Variants in NXPE2 observed in about 807,000 individuals in gnomAD.
NXPE2 encodes the protein neurexophilin and PC-esterase domain family member 2, also known as NXPE family member 2.
In NXPE2, 34 loss-of-function variants were observed where a neutral mutation model predicts 34.4. That is an observed-to-expected ratio of 0.99 (90% CI 0.75 to 1.31). The LOEUF is 1.31. Among genes scored for constraint, NXPE2 ranks in the 40% most tolerant of loss-of-function variants. NXPE2 has a pLI of 0.00. For missense variants in NXPE2, 649 were observed against 672.5 expected, an observed-to-expected ratio of 0.97 and a Z score of 0.39; for synonymous variants, 235 against 231.3, an observed-to-expected ratio of 1.02 and a Z score of -0.15.
chr11:114,486,616 G>T, the NXPE2 span, among the ~76,000 whole-genome samples: 2 of 152,082 alleles, frequency 1.3e-5, no homozygotes, highest in African/African-American at 4.8e-5. Flanking sequence ...TCTTCTAGTA[G>T]TTTCATAGTT....
At chr11:114,718,545 AT>A in the NXPE2 span, among the ~76,000 whole-genome samples, 2 of 152,174 alleles carry the variant, frequency 1.3e-5, no homozygotes, top group Non-Finnish European at 2.9e-5. Flanking sequence ...TTGCAACTAA[AT>A]ATTTACATTC....
At chr11:114,676,675 G>A (rs933135178), upstream of NXPE2, among the ~76,000 whole-genome samples, 2 of 151,962 alleles carry the variant, frequency 1.3e-5, no homozygotes, top group African/African-American at 4.8e-5. Context: ...AATTAGTACA[G>A]CCATTTTGGA....
chr11:114,738,288 G>A, the NXPE2 span, among the ~76,000 whole-genome samples: 1 of 152,168 alleles, frequency 6.6e-6, no homozygotes, highest in Non-Finnish European at 1.5e-5. Flanking sequence ...TGTAGGACAT[G>A]GTTTAAGTAT....
At chr11:114,725,572 G>A in the NXPE2 span, among the ~76,000 whole-genome samples, 1 of 151,776 alleles carries the variant, frequency 6.6e-6, no homozygotes, top group African/African-American at 2.4e-5. Flanking sequence ...AAATGATAAT[G>A]CCTATGGGTC....
At chr11:114,475,318 A>G in the NXPE2 span, among the ~76,000 whole-genome samples, 1 of 136,280 alleles carries the variant, frequency 7.3e-6, no homozygotes, top group Non-Finnish European at 1.5e-5. Flanking sequence ...ATCTCCACTC[A>G]CTACAAGCTC....
chr11:114,613,234 C>T, the NXPE2 span, among the ~76,000 whole-genome samples: 1 of 151,662 alleles, frequency 6.6e-6, no homozygotes, highest in African/African-American at 2.4e-5. Context: ...TCGAGGGTAA[C>T]CACTGTTACC....
the NXPE2 span, among the ~76,000 whole-genome samples, chr11:114,636,675 T>C: frequency 2.0e-5 from 3 of 152,052 alleles, no homozygotes; most frequent in Non-Finnish European, 2.9e-5. Flanking sequence ...TTTGTTCTCA[T>C]TGATTTCAAA....
At chr11:114,551,260 TACTC>T in the NXPE2 span, 2 of 1,302,726 alleles carry the variant, frequency 1.5e-6, no homozygotes, top group South Asian at 2.7e-5. Context: ...AATCTCTCTG[TACTC>T]ACTCATTATT....
At chr11:114,465,729 T>C in the NXPE2 span, among the ~76,000 whole-genome samples, 5 of 152,222 alleles carry the variant, frequency 3.3e-5, no homozygotes, top group African/African-American at 9.6e-5. Flanking sequence ...CTTGGGAAGC[T>C]GAGGCAGGAG....
chr11:114,744,524 C>T, the NXPE2 span, among the ~76,000 whole-genome samples: 1 of 152,026 alleles, frequency 6.6e-6, no homozygotes. Context: ...TATGAAAATT[C>T]TTGGCTGGGC....
At chr11:114,496,771 A>G in the NXPE2 span, among the ~76,000 whole-genome samples, 456 of 152,276 alleles carry the variant, frequency 3.0e-3, 1 homozygote, top group African/African-American at 0.011. Flanking sequence ...GACCACATAT[A>G]TGATGGTGGT....
chr11:114,738,573 C>A, the NXPE2 span, among the ~76,000 whole-genome samples: 2 of 152,234 alleles, frequency 1.3e-5, no homozygotes, highest in South Asian at 4.2e-4. Flanking sequence ...TTCTGTGATC[C>A]CAGACTGTTT....
chr11:114,510,980 G>A, the NXPE2 span, among the ~76,000 whole-genome samples: 1 of 152,034 alleles, frequency 6.6e-6, no homozygotes, highest in Non-Finnish European at 1.5e-5. Flanking sequence ...ATTATAATGA[G>A]AAAATGTAGT....
the NXPE2 span, among the ~76,000 whole-genome samples, chr11:114,464,355 G>A: frequency 1.8e-4 from 27 of 152,036 alleles, no homozygotes; most frequent in Non-Finnish European, 3.5e-4. Context: ...TAAGAATTTG[G>A]CAAGTTAGTT....
chr11:114,527,120 T>C, the NXPE2 span: 1 of 152,368 alleles, frequency 6.6e-6, no homozygotes, highest in Non-Finnish European at 1.5e-5. Flanking sequence ...GCTCAGTAAA[T>C]GTTTGCTGAT....
chr11:114,618,692 A>G, the NXPE2 span, among the ~76,000 whole-genome samples: 4 of 152,040 alleles, frequency 2.6e-5, no homozygotes, highest in Non-Finnish European at 5.9e-5. Context: ...CCACTTGATA[A>G]TAAGTGCTGT....
At chr11:114,642,885 G>A in the NXPE2 span, among the ~76,000 whole-genome samples, 1 of 152,062 alleles carries the variant, frequency 6.6e-6, no homozygotes, top group Non-Finnish European at 1.5e-5. Flanking sequence ...CACCAACAGT[G>A]TAAAATAATT....
At chr11:114,704,686 A>C (rs1373277348) in intron 4 of NXPE2, among the ~76,000 whole-genome samples, 1 of 152,220 alleles carries the variant, frequency 6.6e-6, no homozygotes, top group Non-Finnish European at 1.5e-5. Flanking sequence ...GCAAGTGTTT[A>C]CTGAGGTCCT....
the NXPE2 span, among the ~76,000 whole-genome samples, chr11:114,776,335 C>T: frequency 3.9e-5 from 6 of 152,254 alleles, no homozygotes; most frequent in East Asian, 7.7e-4. Context: ...ACCTGCCAAG[C>T]CTGTTTCCAC....
Sources: allele counts gnomAD v4.1 joint callset (sites outside exome capture counted in the v4.1 genomes callset), GRCh38; gene constraint gnomAD v4.1.1; transcripts MANE v1.5; gene names NCBI Gene and HGNC (gene_info 2026-07-23, HGNC 2026-07-21).